Variants in TIAM2 observed in about 807,000 individuals in gnomAD.
TIAM2 encodes TIAM Rac1 associated GEF 2.
In TIAM2, 80 loss-of-function variants were observed where a neutral mutation model predicts 152.9. The ratio of observed to expected loss-of-function variants is 0.52; its 90% confidence interval spans 0.44 to 0.63. TIAM2 has a LOEUF of 0.63. Ranked by LOEUF, TIAM2 falls within the 30% of genes least tolerant of loss-of-function variation. The pLI is 0.00. For synonymous variants in TIAM2, 804 were observed against 838.0 expected (o/e 0.96, Z 0.70); for missense variants, 1,965 against 2,120.1 (o/e 0.93, Z 1.44).
chr6:155,037,104 G>A (rs1231598572), intron 1 of TIAM2, among the ~76,000 whole-genome samples: 1 of 152,136 alleles, frequency 6.6e-6, no homozygotes, highest in Non-Finnish European at 1.5e-5. Flanking sequence ...AACTTGTAGT[G>A]TCCCAGGAGG....
chr6:155,100,052 TC>T (rs1778521271), intron 2 of TIAM2, among the ~76,000 whole-genome samples: 2 of 148,282 alleles, frequency 1.3e-5, no homozygotes, highest in African/African-American at 4.9e-5. Context: ...CAGTCTGTCG[TC>T]GGCTATTACA....
intron 7 of TIAM2, among the ~76,000 whole-genome samples, chr6:155,149,575 A>G (rs1375380642): frequency 6.6e-6 from 1 of 152,184 alleles, no homozygotes; most frequent in Non-Finnish European, 1.5e-5. Context: ...ACCTCTGTTT[A>G]TGTCTGAATG....
rs1780119634 is a variant in TIAM2 at position 155,156,525 on chromosome 6, G to A, written c.2029-7890G>A. On this transcript the variant is annotated intron_variant, in intron 7 of 26. Transcript: ENST00000682666. The surrounding 1 kb of genome is among the most constrained non-coding windows in gnomAD (Gnocchi z 4.4). ...CAAAAATAATTAGCCAGGTGTCGTG[G>A]CGCATACCTGTAATCCCAGCTACTC... Among the ~76,000 whole-genome samples the A allele has an allele frequency of 1.3e-5, 2 of 152,106 alleles. No homozygotes were observed. Among genetic ancestry groups the A allele is most frequent in the African/African-American group, 4.8e-5 (2 of 41,410 alleles).
chr6:155,043,527 A>T (rs1414677902), intron 1 of TIAM2, among the ~76,000 whole-genome samples: 2 of 151,570 alleles, frequency 1.3e-5, no homozygotes, highest in East Asian at 3.9e-4. Context: ...CTGTCTACTC[A>T]AGAGGCTGAG....
At chr6:155,215,727 A>AT (rs10535890) in intron 15 of TIAM2, among the ~76,000 whole-genome samples, 4,969 of 140,088 alleles carry the variant, frequency 0.035, 110 homozygotes, top group African/African-American at 0.062. Context: ...AAAATTTTAA[A>AT]TTTTTTTTTT....
At chr6:155,076,403 G>A (rs1281911069) in intron 1 of TIAM2, among the ~76,000 whole-genome samples, 1 of 152,144 alleles carries the variant, frequency 6.6e-6, no homozygotes, top group Non-Finnish European at 1.5e-5. Context: ...AAATGCCTAT[G>A]GGAAATATGT....
At chr6:155,255,023 G>A (rs772355790) in intron 26 of TIAM2, 9 of 156,256 alleles carry the variant, frequency 5.8e-5, no homozygotes, top group African/African-American at 1.7e-4. Context: ...AGTAGAAATC[G>A]TACTTCGAGT....
At position 155,245,725 on chromosome 6, in the gene TIAM2, G is replaced by A. The variant is rs749761812; in HGVS notation, c.3646G>A (p.Glu1216Lys). Residue 1216 changes from glutamate (E) to lysine (K), a missense_variant, in exon 19 of 27, where the codon GAG becomes AAG. Coordinates refer to ENST00000682666, the MANE Select transcript of TIAM2 (RefSeq NM_012454.4). ...CCATATCAAAGTACAGAAGGTTCTG[G>A]AGCGAGGTAAGTTGCTTATGCCTTT... is the stretch of plus-strand genomic sequence containing the variant. ...ANHIKVQKVLERAKTDKAFKA... is the reference protein window; with the variant it reads ...ANHIKVQKVLKRAKTDKAFKA... The A allele has an allele frequency of 1.3e-6, 2 of 1,592,146 alleles. No individual in the cohort carries two copies. Among genetic ancestry groups the A allele is most frequent in the Non-Finnish European group, 1.7e-6 (2 of 1,170,058 alleles).
chr6:155,207,618 G>A (rs1050270386), intron 14 of TIAM2, among the ~76,000 whole-genome samples: 1 of 152,172 alleles, frequency 6.6e-6, no homozygotes, highest in Non-Finnish European at 1.5e-5. Flanking sequence ...TCCTATCCAA[G>A]CCTGTGCCTC....
At chr6:155,219,760 A>G (rs1781978254) in intron 15 of TIAM2, among the ~76,000 whole-genome samples, 1 of 152,114 alleles carries the variant, frequency 6.6e-6, no homozygotes, top group Admixed American at 6.5e-5. Flanking sequence ...GTGGCTATAG[A>G]AGACATTACT....
At chr6:155,072,213 G>C (rs1194232923) in intron 1 of TIAM2, among the ~76,000 whole-genome samples, 2 of 152,138 alleles carry the variant, frequency 1.3e-5, no homozygotes, top group African/African-American at 4.8e-5. Context: ...TTTCAAACTC[G>C]AGCATAACAG....
At chr6:155,035,538 C>T (rs922169154) in intron 1 of TIAM2, among the ~76,000 whole-genome samples, 1 of 152,160 alleles carries the variant, frequency 6.6e-6, no homozygotes, top group Admixed American at 6.6e-5. Context: ...GTTCACGAGA[C>T]TCAGACTAAT....
rs1778200574 is a variant in TIAM2 at position 154,995,708 on chromosome 6, C to T, written c.-209+216C>T. On this transcript the variant is annotated intron_variant, in intron 1 of 26. Transcript: ENST00000682666. The surrounding 1 kb of genome is among the most constrained non-coding windows in gnomAD (Gnocchi z 5.2). Reference sequence around the variant, plus strand: ...CCCTCTCCCCGGAGGGCGGCAGCGTCCGGGCACAGCCTGGCACGGGGGACG... The same window carrying T: ...CCCTCTCCCCGGAGGGCGGCAGCGTTCGGGCACAGCCTGGCACGGGGGACG... Among the ~76,000 whole-genome samples, 1 of 152,150 alleles carries T rather than the reference C, an allele frequency of 6.6e-6. No individual in the cohort carries two copies. Among genetic ancestry groups the T allele is most frequent in the Non-Finnish European group, 1.5e-5 (1 of 68,018 alleles).
At chr6:155,077,112 G>C (rs1777979104) in intron 1 of TIAM2, among the ~76,000 whole-genome samples, 1 of 151,832 alleles carries the variant, frequency 6.6e-6, no homozygotes, top group South Asian at 2.1e-4. Context: ...TGTACATTGG[G>C]CTTGAAAAAC....
At chr6:155,085,128 C>T (rs1778148151) in intron 1 of TIAM2, among the ~76,000 whole-genome samples, 1 of 152,104 alleles carries the variant, frequency 6.6e-6, no homozygotes, top group African/African-American at 2.4e-5. Flanking sequence ...TGGAAAACAT[C>T]CCACTTTCTG....
At chr6:155,115,882 T>C (rs1325328344) in intron 2 of TIAM2, among the ~76,000 whole-genome samples, 1 of 152,090 alleles carries the variant, frequency 6.6e-6, no homozygotes, top group Non-Finnish European at 1.5e-5. Flanking sequence ...GAGGCCGAGG[T>C]GGGCGGCTCA....
chr6:155,051,110 T>G (rs1279425201), intron 1 of TIAM2, among the ~76,000 whole-genome samples: 1 of 152,200 alleles, frequency 6.6e-6, no homozygotes, highest in Non-Finnish European at 1.5e-5. Flanking sequence ...TTTTTGGTTC[T>G]GATTGAGAAC....
chr6:155,104,649 A>C (rs1288622034), intron 2 of TIAM2, among the ~76,000 whole-genome samples: 3 of 151,660 alleles, frequency 2.0e-5, no homozygotes, highest in Admixed American at 1.3e-4. Flanking sequence ...CCCAGCTACT[A>C]GGGAGGCTGA....
At chr6:155,017,371 G>A (rs552605367) in intron 1 of TIAM2, among the ~76,000 whole-genome samples, 31 of 152,258 alleles carry the variant, frequency 2.0e-4, no homozygotes, top group Admixed American at 1.4e-3. Flanking sequence ...AGGGGCTGGG[G>A]AGACCAGGGT....
Sources: gnomAD v4.1 joint callset for allele counts (sites outside exome capture counted in the v4.1 genomes callset) on GRCh38, gnomAD v4.1.1 for gene constraint, Gnocchi (gnomAD v3.1) non-coding constraint, MANE v1.5 for transcripts, NCBI Gene and HGNC (gene_info 2026-07-23, HGNC 2026-07-21) for gene names.